Variants in IQCM observed in about 807,000 individuals in gnomAD.
The protein encoded by IQCM is IQ domain-containing protein M.
A neutral mutation model predicts 57.6 loss-of-function variants in IQCM; 45 were observed. The ratio of observed to expected loss-of-function variants is 0.78; its 90% CI spans 0.62 to 1.00. The LOEUF (loss-of-function observed/expected upper bound fraction) is 1.00. IQCM is among the 50% of genes least tolerant of loss of function. The pLI is 0.00. For synonymous variants in IQCM, 148 were observed against 158.9 expected (o/e 0.93, Z 0.51); for missense variants, 468 against 511.6 (o/e 0.91, Z 0.82).
intron 13 of IQCM, among the ~76,000 whole-genome samples, chr4:149,359,642 G>A (rs1057317785): frequency 3.9e-5 from 6 of 151,952 alleles, no homozygotes; most frequent in African/African-American, 1.5e-4. Context: ...TTCAGAAATG[G>A]GATATTTCTT....
At chr4:149,814,751 G>A (rs1774898300) in intron 2 of IQCM, among the ~76,000 whole-genome samples, 2 of 151,730 alleles carry the variant, frequency 1.3e-5, no homozygotes, top group South Asian at 4.1e-4. Flanking sequence ...TCTATTATTA[G>A]CATTTGACCC....
At position 149,528,885 on chromosome 4, in the gene IQCM, T is replaced by C. The variant is rs149725599; in HGVS notation, c.1228+19570A>G. Among the ~76,000 whole-genome samples the C allele has an allele frequency of 5.5e-3, 830 of 151,912 alleles. 8 individuals carry two copies. Among genetic ancestry groups the C allele is most frequent in the African/African-American group, 0.019 (787 of 41,438 alleles). ...AAGCTTACAGGAGCAAAAGGAAGAA[T>C]TTTTTTTGCATAAGAAGTAAAAGTA... On this transcript the variant is annotated intron_variant, in intron 12 of 13. Transcript: ENST00000636793.
intron 13 of IQCM, among the ~76,000 whole-genome samples, chr4:149,396,923 C>T (rs552014318): frequency 6.6e-6 from 1 of 152,042 alleles, no homozygotes; most frequent in East Asian, 1.9e-4. Context: ...AATGTATATA[C>T]ATTACATTTT....
intron 2 of IQCM, among the ~76,000 whole-genome samples, chr4:149,773,911 A>C (rs893932647): frequency 2.6e-5 from 4 of 152,116 alleles, no homozygotes; most frequent in African/African-American, 4.8e-5. Flanking sequence ...TTTAGAATAT[A>C]GTTGTCATCT....
intron 13 of IQCM, among the ~76,000 whole-genome samples, chr4:149,430,650 A>G (rs1734772435): frequency 6.6e-6 from 1 of 151,984 alleles, no homozygotes; most frequent in African/African-American, 2.4e-5. Flanking sequence ...TTTGAGATTC[A>G]GCCTTGTCGT....
At chr4:149,606,692 C>G (rs936902999) in intron 8 of IQCM, among the ~76,000 whole-genome samples, 18 of 152,042 alleles carry the variant, frequency 1.2e-4, no homozygotes, top group Non-Finnish European at 2.5e-4. Flanking sequence ...AGAATTCTAT[C>G]AAATAAATTT....
intron 13 of IQCM, among the ~76,000 whole-genome samples, chr4:149,421,960 T>C (rs1328521755): frequency 2.6e-5 from 4 of 152,066 alleles, no homozygotes; most frequent in African/African-American, 9.7e-5. Flanking sequence ...GACATACCTT[T>C]AATAGAAAGT....
intron 7 of IQCM, among the ~76,000 whole-genome samples, chr4:149,659,110 T>G (rs1323567179): frequency 1.3e-5 from 2 of 152,068 alleles, no homozygotes; most frequent in Admixed American, 6.6e-5. Flanking sequence ...AGTCTATCAA[T>G]TTTGTTGACG....
At chr4:149,744,565 G>A (rs1767748219) in intron 2 of IQCM, among the ~76,000 whole-genome samples, 1 of 152,214 alleles carries the variant, frequency 6.6e-6, no homozygotes, top group East Asian at 1.9e-4. Context: ...AGCATCCTAA[G>A]GGGTGCTGGC....
chr4:149,676,243 A>G (rs1761740624), intron 7 of IQCM, among the ~76,000 whole-genome samples: 2 of 152,068 alleles, frequency 1.3e-5, no homozygotes, highest in South Asian at 4.1e-4. Context: ...GGCTACAGTT[A>G]TTGTATTTAC....
intron 13 of IQCM, among the ~76,000 whole-genome samples, chr4:149,414,571 C>T (rs1733613126): frequency 6.6e-6 from 1 of 152,032 alleles, no homozygotes; most frequent in Admixed American, 6.6e-5. Flanking sequence ...CATTATAGTC[C>T]TTACGATAAA....
chr4:149,644,253 C>T (rs1299063108), intron 7 of IQCM, among the ~76,000 whole-genome samples: 1 of 152,096 alleles, frequency 6.6e-6, no homozygotes, highest in East Asian at 1.9e-4. Flanking sequence ...GGCCACTTAG[C>T]AGAAACAATA....
At chr4:149,612,302 G>A (rs1424948198) in intron 8 of IQCM, among the ~76,000 whole-genome samples, 1 of 152,110 alleles carries the variant, frequency 6.6e-6, no homozygotes, top group Non-Finnish European at 1.5e-5. Flanking sequence ...AATTATGATT[G>A]TAAAGCTCCA....
intron 2 of IQCM, among the ~76,000 whole-genome samples, chr4:149,783,200 C>G (rs1469740421): frequency 2.0e-5 from 3 of 152,190 alleles, no homozygotes; most frequent in African/African-American, 4.8e-5. Flanking sequence ...TTTTTTCCAG[C>G]CATCCCACAA....
intron 12 of IQCM, among the ~76,000 whole-genome samples, chr4:149,467,410 G>A (rs960049903): frequency 4.0e-5 from 6 of 151,500 alleles, no homozygotes; most frequent in Non-Finnish European, 7.4e-5. Flanking sequence ...CCCGGGCACT[G>A]TTCTAGGTTT....
At chr4:149,519,519 G>A (rs1379256664) in intron 12 of IQCM, among the ~76,000 whole-genome samples, 1 of 151,836 alleles carries the variant, frequency 6.6e-6, no homozygotes, top group African/African-American at 2.4e-5. Context: ...CTAATTGGGA[G>A]GCTGGGGAGG....
At chr4:149,630,051 G>T (rs1193389209) in intron 7 of IQCM, among the ~76,000 whole-genome samples, 1 of 152,148 alleles carries the variant, frequency 6.6e-6, no homozygotes, top group African/African-American at 2.4e-5. Context: ...TACCTTCCCA[G>T]GAAAGGAGAG....
intron 9 of IQCM, among the ~76,000 whole-genome samples, chr4:149,567,733 A>G (rs1484470236): frequency 2.0e-5 from 3 of 152,192 alleles, no homozygotes; most frequent in Non-Finnish European, 4.4e-5. Flanking sequence ...TGGCTTCAGG[A>G]TCATACCAAA....
intron 13 of IQCM, among the ~76,000 whole-genome samples, chr4:149,379,469 G>T (rs1168898940): frequency 6.6e-6 from 1 of 152,188 alleles, no homozygotes; most frequent in Admixed American, 6.5e-5. Flanking sequence ...GCATGACCCA[G>T]ATGTGAGACA....
Sources: allele counts gnomAD v4.1 joint callset (sites outside exome capture counted in the v4.1 genomes callset), GRCh38; gene constraint gnomAD v4.1.1; transcripts MANE v1.5; gene names NCBI Gene and HGNC (gene_info 2026-07-23, HGNC 2026-07-21).